TMEM132C: variants seen among roughly 807,000 people sequenced by gnomAD.
TMEM132C encodes protein phosphatase 1, regulatory subunit 152.
In TMEM132C, 29 loss-of-function variants were observed where a neutral mutation model predicts 61.4. The observed-to-expected ratio is 0.47, with a 90% CI of 0.35 to 0.64. The LOEUF is 0.64. Ranked by LOEUF, TMEM132C falls within the 30% of genes least tolerant of loss-of-function variation. TMEM132C has a pLI of 0.00. For synonymous variants in TMEM132C, 656 were observed against 633.1 expected (o/e 1.04, Z -0.54); for missense variants, 1,408 against 1,476.9 (o/e 0.95, Z 0.76).
At chr12:128,699,610 C>T (rs1373936871) in intron 8 of TMEM132C, among the ~76,000 whole-genome samples, 1 of 152,210 alleles carries the variant, frequency 6.6e-6, no homozygotes, top group Non-Finnish European at 1.5e-5. Flanking sequence ...CCCCTTCTGT[C>T]ACCAGCTAGA....
At chr12:128,672,761 A>G (rs921704178) in intron 5 of TMEM132C, among the ~76,000 whole-genome samples, 2 of 152,184 alleles carry the variant, frequency 1.3e-5, no homozygotes, top group African/African-American at 4.8e-5. Context: ...TCAGAATGCC[A>G]TGGAGAGAAG....
At chr12:128,463,257 T>C (rs1870601725) in intron 2 of TMEM132C, among the ~76,000 whole-genome samples, 1 of 152,108 alleles carries the variant, frequency 6.6e-6, no homozygotes, top group Non-Finnish European at 1.5e-5. Context: ...GGGAAGTTGG[T>C]ACTTTCTTCT....
chr12:128,545,774 T>C (rs1873930744), intron 3 of TMEM132C, among the ~76,000 whole-genome samples: 1 of 152,246 alleles, frequency 6.6e-6, no homozygotes, highest in African/African-American at 2.4e-5. Flanking sequence ...TTCTTATAGA[T>C]AATGCAGCAA....
chr12:128,600,127 C>A (rs960810730), intron 3 of TMEM132C, among the ~76,000 whole-genome samples: 1 of 152,096 alleles, frequency 6.6e-6, no homozygotes, highest in Admixed American at 6.5e-5. Context: ...GGACTACAGA[C>A]GCCCGCCACT....
intron 1 of TMEM132C, among the ~76,000 whole-genome samples, chr12:128,363,416 T>G (rs749728933): frequency 5.3e-5 from 8 of 152,162 alleles, no homozygotes; most frequent in Non-Finnish European, 7.3e-5. Context: ...TCCTGCACAA[T>G]CTATGTAACC....
chr12:128,613,567 C>T (rs750371040), intron 3 of TMEM132C, among the ~76,000 whole-genome samples: 1 of 152,152 alleles, frequency 6.6e-6, no homozygotes, highest in East Asian at 1.9e-4. Context: ...GATTTGCAGC[C>T]CCTAGCTTGA....
At chr12:128,502,379 G>A (rs965010435) in intron 2 of TMEM132C, among the ~76,000 whole-genome samples, 8 of 152,222 alleles carry the variant, frequency 5.3e-5, no homozygotes, top group Admixed American at 3.3e-4. Flanking sequence ...GGGAGAACAA[G>A]GTGATTCCTG....
chr12:128,482,560 T>G (rs1871345909), intron 2 of TMEM132C, among the ~76,000 whole-genome samples: 1 of 152,196 alleles, frequency 6.6e-6, no homozygotes, highest in African/African-American at 2.4e-5. Flanking sequence ...GTACCGGCTC[T>G]TCTTTGTACC....
chr12:128,448,272 C>T (rs901787631), intron 2 of TMEM132C, among the ~76,000 whole-genome samples: 6 of 152,176 alleles, frequency 3.9e-5, no homozygotes, highest in East Asian at 1.9e-4. Context: ...CAAACCACTC[C>T]GAAAACCACA....
chr12:128,521,698 C>T (rs1417367529), intron 2 of TMEM132C, among the ~76,000 whole-genome samples: 1 of 152,080 alleles, frequency 6.6e-6, no homozygotes, highest in Non-Finnish European at 1.5e-5. Flanking sequence ...GGCTAGATTT[C>T]CCTTGTTTGT....
rs145828073 is a variant in TMEM132C at position 128,699,318 on chromosome 12, C to A, written c.2121+1903C>A. Among the ~76,000 whole-genome samples the A allele has an allele frequency of 3.3e-5, 5 of 152,208 alleles. No homozygotes were observed. In the East Asian group the frequency reaches 9.6e-4, roughly 29 times the overall value. On this transcript the variant is annotated intron_variant, in intron 8 of 8. Coordinates refer to ENST00000435159, the MANE Select transcript of TMEM132C (RefSeq NM_001136103.3). The stretch of plus-strand genomic sequence containing the variant: ...TGGGTGGGCTCAGCTGGGTTCATGC[C>A]CAGAGTATCAGAAGGCTGAAATCAC...
At chr12:128,307,210 C>G (rs920789290) in intron 1 of TMEM132C, among the ~76,000 whole-genome samples, 1 of 152,132 alleles carries the variant, frequency 6.6e-6, no homozygotes, top group Non-Finnish European at 1.5e-5. Context: ...TAGACTTACC[C>G]TCCCTCTTAG....
chr12:128,642,437 G>A (rs775696295), intron 4 of TMEM132C, among the ~76,000 whole-genome samples: 1 of 152,210 alleles, frequency 6.6e-6, no homozygotes, highest in Non-Finnish European at 1.5e-5. Context: ...ATCTCATGCT[G>A]CAATGTGATC....
intron 2 of TMEM132C, among the ~76,000 whole-genome samples, chr12:128,417,162 T>C (rs1285421146): frequency 2.0e-5 from 3 of 152,194 alleles, no homozygotes; most frequent in African/African-American, 7.2e-5. Flanking sequence ...TAATTTTTGG[T>C]AAGTCCTCTT....
chr12:128,468,145 G>C (rs1192362538), intron 2 of TMEM132C, among the ~76,000 whole-genome samples: 1 of 152,104 alleles, frequency 6.6e-6, no homozygotes, highest in Non-Finnish European at 1.5e-5. Flanking sequence ...CAGAGGGAAG[G>C]CGTTAACTGT....
intron 3 of TMEM132C, among the ~76,000 whole-genome samples, chr12:128,548,849 G>T (rs2136153372): frequency 6.6e-6 from 1 of 152,236 alleles, no homozygotes; most frequent in African/African-American, 2.4e-5. Context: ...TATTTACATA[G>T]CATTTACATT....
chr12:128,575,693 G>A (rs1359836675), intron 3 of TMEM132C, among the ~76,000 whole-genome samples: 2 of 152,160 alleles, frequency 1.3e-5, no homozygotes, highest in African/African-American at 4.8e-5. Context: ...TAATTTATTT[G>A]TATGTCTATT....
At chr12:128,528,501 G>A (rs149962748) in intron 2 of TMEM132C, among the ~76,000 whole-genome samples, 3 of 152,212 alleles carry the variant, frequency 2.0e-5, no homozygotes, top group Non-Finnish European at 4.4e-5. Context: ...ATCACACAGC[G>A]GTGTCTCCTG....
chr12:128,441,203 C>A (rs778716613), intron 2 of TMEM132C, among the ~76,000 whole-genome samples: 1 of 152,182 alleles, frequency 6.6e-6, no homozygotes, highest in Non-Finnish European at 1.5e-5. Flanking sequence ...TTCTGCACGG[C>A]GATGAGTGCG....
Sources: allele counts gnomAD v4.1 joint callset (sites outside exome capture counted in the v4.1 genomes callset), GRCh38; gene constraint gnomAD v4.1.1; transcripts MANE v1.5; gene names NCBI Gene and HGNC (gene_info 2026-07-23, HGNC 2026-07-21).